FILIP1: variants seen among roughly 807,000 people sequenced by gnomAD.
FILIP1 encodes the protein filamin-A-interacting protein 1.
A neutral mutation model predicts 102.1 loss-of-function variants in FILIP1; 61 were observed. That is an observed-to-expected ratio of 0.60 (90% CI 0.49 to 0.74). FILIP1 has a LOEUF of 0.74. Among genes scored for constraint, FILIP1 ranks in the 30% least tolerant of loss-of-function variants. The pLI is 0.00. For missense variants in FILIP1, 1,314 were observed against 1,441.2 expected, an observed-to-expected ratio of 0.91 and a Z score of 1.43; for synonymous variants, 491 against 526.9, an observed-to-expected ratio of 0.93 and a Z score of 0.93.
intron 1 of FILIP1, chr6:75,428,416 T>C (rs959047115): frequency 9.7e-6 from 1 of 103,218 alleles, no homozygotes; most frequent in African/African-American, 5.0e-5. Context: ...TAATAGATTA[T>C]TGGTCACCAC....
chr6:75,406,194 C>T (rs1776837999), intron 2 of FILIP1, among the ~76,000 whole-genome samples: 1 of 152,184 alleles, frequency 6.6e-6, no homozygotes, highest in South Asian at 2.1e-4. Flanking sequence ...ATCCTCACAC[C>T]TTCAGACTAT....
intron 2 of FILIP1, among the ~76,000 whole-genome samples, chr6:75,391,386 C>T (rs1452040310): frequency 6.6e-6 from 1 of 152,162 alleles, no homozygotes; most frequent in Admixed American, 6.6e-5. Flanking sequence ...CAAGAAATCA[C>T]ACTATATTCC....
chr6:75,318,689 G>A (rs542161433), intron 4 of FILIP1, among the ~76,000 whole-genome samples: 128 of 152,018 alleles, frequency 8.4e-4, no homozygotes, highest in Middle Eastern at 6.9e-3. Context: ...CAATTATTTC[G>A]TATAAGCTGC....
exon 7 of FILIP1, chr6:75,292,776 CT>C (rs749162458): frequency 1.1e-4 from 17 of 152,156 alleles, no homozygotes; most frequent in Non-Finnish European, 2.1e-4. Flanking sequence ...ACACACCCTA[CT>C]TTTGCTATGT....
At chr6:75,405,398 C>CA (rs1161243354) in intron 2 of FILIP1, among the ~76,000 whole-genome samples, 2 of 150,428 alleles carry the variant, frequency 1.3e-5, no homozygotes, top group Non-Finnish European at 3.0e-5. Context: ...ACAACAACAA[C>CA]AACAAACAAA....
chr6:75,430,268 C>A (rs1451449951), intron 1 of FILIP1, among the ~76,000 whole-genome samples: 2 of 152,164 alleles, frequency 1.3e-5, no homozygotes, highest in Admixed American at 6.5e-5. Context: ...ATCAATTAAA[C>A]CTCTTTTGTT....
At chr6:75,435,167 C>A (rs1777971963) in intron 1 of FILIP1, among the ~76,000 whole-genome samples, 1 of 152,194 alleles carries the variant, frequency 6.6e-6, no homozygotes, top group Non-Finnish European at 1.5e-5. Context: ...TGTGTCTCTG[C>A]CAGGCTTTGG....
At chr6:75,457,142 G>C (rs1408874275) in intron 1 of FILIP1, among the ~76,000 whole-genome samples, 2 of 152,152 alleles carry the variant, frequency 1.3e-5, no homozygotes, top group African/African-American at 4.8e-5. Flanking sequence ...TCATCCTTAT[G>C]TTGAGTCTTC....
At chr6:75,323,099 TTTTTTA>T (rs1773718315) in intron 4 of FILIP1, among the ~76,000 whole-genome samples, 1 of 152,208 alleles carries the variant, frequency 6.6e-6, no homozygotes, top group Non-Finnish European at 1.5e-5. Context: ...AAGTTTTTCC[TTTTTTA>T]TTTTTATTTT....
At chr6:75,441,773 G>A (rs1177753793) in intron 1 of FILIP1, among the ~76,000 whole-genome samples, 57 of 147,496 alleles carry the variant, frequency 3.9e-4, no homozygotes, top group Non-Finnish European at 6.3e-4. Context: ...TCACTTCCCA[G>A]TAGGGGCAGC....
exon 7 of FILIP1, chr6:75,292,822 G>T: frequency 6.6e-6 from 1 of 152,116 alleles, no homozygotes. Flanking sequence ...CTCAACCACA[G>T]CATTAGGAGA....
At chr6:75,350,173 C>T (rs1774740867) in intron 4 of FILIP1, among the ~76,000 whole-genome samples, 1 of 151,918 alleles carries the variant, frequency 6.6e-6, no homozygotes, top group South Asian at 2.1e-4. Context: ...GGTGGTCAGT[C>T]ACAGTGTTGA....
intron 2 of FILIP1, among the ~76,000 whole-genome samples, chr6:75,363,442 T>C (rs965391253): frequency 7.9e-5 from 12 of 152,254 alleles, no homozygotes; most frequent in Admixed American, 5.9e-4. Context: ...CAGAAACACA[T>C]GGTTGAGAAC....
At chr6:75,432,256 T>A (rs1021439430) in intron 1 of FILIP1, among the ~76,000 whole-genome samples, 1 of 152,244 alleles carries the variant, frequency 6.6e-6, no homozygotes, top group South Asian at 2.1e-4. Context: ...GAAGACAGAC[T>A]TGATGTAAAT....
chr6:75,295,767 C>A (rs770791503), exon 7 of FILIP1: 4 of 467,930 alleles, frequency 8.5e-6, no homozygotes, highest in Non-Finnish European at 6.9e-6. Context: ...TACATTATAT[C>A]CTTAAAAAAA....
At chr6:75,441,673 C>T (rs1199515124) in intron 1 of FILIP1, among the ~76,000 whole-genome samples, 1 of 149,464 alleles carries the variant, frequency 6.7e-6, no homozygotes, top group Non-Finnish European at 1.5e-5. Context: ...ACGCCCCCAC[C>T]TCCCTCCCTG....
At chr6:75,325,894 A>G (rs1376771332) in intron 4 of FILIP1, among the ~76,000 whole-genome samples, 2 of 152,208 alleles carry the variant, frequency 1.3e-5, no homozygotes, top group African/African-American at 4.8e-5. Context: ...TGATCCAGCA[A>G]TTCCACTATT....
At chr6:75,336,880 T>G (rs1010928121) in intron 4 of FILIP1, among the ~76,000 whole-genome samples, 9 of 152,186 alleles carry the variant, frequency 5.9e-5, no homozygotes, top group African/African-American at 1.9e-4. Flanking sequence ...CACTGTTTAT[T>G]AGAAGCCTCT....
At position 75,381,076 on chromosome 6, in the gene FILIP1, G is replaced by A. The variant is rs550685342; in HGVS notation, c.277-18159C>T. Among the ~76,000 whole-genome samples, 26 of 151,974 alleles carry A rather than the reference G, an allele frequency of 1.7e-4. No individual in the cohort carries two copies. The East Asian group carries it at 1.7e-3, about 10-fold the overall frequency. On this transcript the variant is annotated intron_variant, in intron 2 of 5. Coordinates refer to ENST00000237172, the MANE Select transcript of FILIP1 (RefSeq NM_015687.5). ...TACTGTACATATATTTATATTCTGTGATCCTTTTGAGGGCCATAAACCATT... is the reference window on the plus strand; with the variant it reads ...TACTGTACATATATTTATATTCTGTAATCCTTTTGAGGGCCATAAACCATT...
Sources: gnomAD v4.1 joint callset for allele counts (sites outside exome capture counted in the v4.1 genomes callset) on GRCh38, gnomAD v4.1.1 for gene constraint, MANE v1.5 for transcripts, NCBI Gene and HGNC (gene_info 2026-07-23, HGNC 2026-07-21) for gene names.